The following KCNB2 variants were observed in gnomAD, a reference collection of about 807,000 sequenced individuals.
KCNB2 encodes delayed rectifier potassium channel protein.
A neutral mutation model predicts 61.5 loss-of-function variants in KCNB2; 15 were observed. The observed-to-expected ratio is 0.24, with a 90% CI of 0.16 to 0.38. The LOEUF (loss-of-function observed/expected upper bound fraction) is 0.38, where lower values mean the gene tolerates loss of function less well. KCNB2 is among the 10% of genes least tolerant of loss of function. The pLI is 1.00. For synonymous variants in KCNB2, 457 were observed against 446.0 expected (o/e 1.02, Z -0.31); for missense variants, 828 against 1,125.2 (o/e 0.74, Z 3.78).
intron 2 of KCNB2, among the ~76,000 whole-genome samples, chr8:72,919,788 G>A (rs1482022): frequency 0.64 from 97,510 of 152,110 alleles, 32,501 homozygotes; most frequent in African/African-American, 0.72. Flanking sequence ...GTCATAATAT[G>A]CTCGGTGTAT....
intron 2 of KCNB2, among the ~76,000 whole-genome samples, chr8:72,909,168 G>C (rs1326952112): frequency 1.3e-5 from 2 of 152,152 alleles, no homozygotes; most frequent in African/African-American, 2.4e-5. Context: ...AACTCCATGT[G>C]GTAAGTGTTC....
chr8:72,686,565 G>T (rs946641634), intron 2 of KCNB2, among the ~76,000 whole-genome samples: 7 of 152,142 alleles, frequency 4.6e-5, no homozygotes, highest in Non-Finnish European at 1.0e-4. Context: ...CAAAGCTACA[G>T]GGCAGTAAGT....
At chr8:72,775,195 C>G (rs1180791254) in intron 2 of KCNB2, among the ~76,000 whole-genome samples, 1 of 152,166 alleles carries the variant, frequency 6.6e-6, no homozygotes, top group East Asian at 1.9e-4. Flanking sequence ...TGCAGTCCTT[C>G]CCTGGAACAG....
At chr8:72,925,254 C>T (rs1458642947) in intron 2 of KCNB2, among the ~76,000 whole-genome samples, 1 of 152,148 alleles carries the variant, frequency 6.6e-6, no homozygotes, top group Non-Finnish European at 1.5e-5. Context: ...GGAACAAAGC[C>T]AGCTTTTAAT....
At chr8:72,602,952 TAAA>T (rs200579710) in intron 2 of KCNB2, among the ~76,000 whole-genome samples, 1 of 137,706 alleles carries the variant, frequency 7.3e-6, no homozygotes. Flanking sequence ...GGTTAAGCAC[TAAA>T]AAAAAAAAAA....
chr8:72,885,426 G>A (rs1805787857), intron 2 of KCNB2, among the ~76,000 whole-genome samples: 2 of 152,038 alleles, frequency 1.3e-5, no homozygotes, highest in African/African-American at 4.8e-5. Context: ...AAGCATCTGA[G>A]TTTTATGTAT....
At chr8:72,584,006 A>G (rs1806957292) in intron 2 of KCNB2, among the ~76,000 whole-genome samples, 1 of 151,148 alleles carries the variant, frequency 6.6e-6, no homozygotes, top group Non-Finnish European at 1.5e-5. Context: ...ACCTCTTTTT[A>G]AAGTTAAACC....
At position 72,936,880 on chromosome 8, in the gene KCNB2, G is replaced by T; in HGVS notation, c.1525G>T (p.Glu509Ter). The T allele has an allele frequency of 6.2e-7, 1 of 1,614,090 alleles. No homozygotes were observed. The highest frequency in any genetic ancestry group is 8.5e-7 in the Non-Finnish European group (1 of 1,180,010). Residue 509 changes from glutamate (E) to a stop codon, truncating the protein, a stop_gained, in exon 3 of 3, where the codon GAG (glutamate) becomes TAG (stop). Transcript: ENST00000523207. LOFTEE classifies it high-confidence loss of function. This position sits in a 1 kb window ranked among gnomAD's most constrained non-coding sequence, Gnocchi z 5.6. ...LSETSSNKSF[E>*]NKYQEVSQKD... ...GGAAACAAGCTCCAACAAGTCTTTC[G>T]AGAATAAGTACCAGGAGGTTAGCCA... is the stretch of plus-strand genomic sequence containing the variant.
At chr8:72,638,958 T>C (rs182420735) in intron 2 of KCNB2, among the ~76,000 whole-genome samples, 1 of 152,286 alleles carries the variant, frequency 6.6e-6, no homozygotes, top group Admixed American at 6.5e-5. Context: ...ACTCAACTTA[T>C]GCAGATCACT....
chr8:72,619,236 A>G (rs1207494888), intron 2 of KCNB2: 11 of 599,280 alleles, frequency 1.8e-5, no homozygotes, highest in Middle Eastern at 5.2e-4. Context: ...AGGTATCTTT[A>G]GTTTCAAGGG....
intron 2 of KCNB2, among the ~76,000 whole-genome samples, chr8:72,607,001 AT>A (rs1422399282): frequency 6.6e-6 from 1 of 152,144 alleles, no homozygotes; most frequent in Non-Finnish European, 1.5e-5. Flanking sequence ...AAGAGTGCAG[AT>A]TTGGCTAGAG....
chr8:72,861,172 G>GTGTCT (rs56329853), intron 2 of KCNB2, among the ~76,000 whole-genome samples: 134,965 of 151,790 alleles, frequency 0.89, 60,650 homozygotes, highest in Middle Eastern at 0.98. Flanking sequence ...TTCAGCTTAA[G>GTGTCT]TGTCTGAACA....
At chr8:72,833,736 A>C (rs986123472) in intron 2 of KCNB2, among the ~76,000 whole-genome samples, 5 of 152,190 alleles carry the variant, frequency 3.3e-5, no homozygotes, top group African/African-American at 4.8e-5. Flanking sequence ...CAGAGGGAGA[A>C]TGCAGTTCCA....
intron 2 of KCNB2, among the ~76,000 whole-genome samples, chr8:72,863,506 A>G (rs1009686433): frequency 1.3e-5 from 2 of 152,210 alleles, no homozygotes; most frequent in African/African-American, 4.8e-5. Flanking sequence ...ACAGGTATAT[A>G]TTTGTATCAG....
intron 2 of KCNB2, among the ~76,000 whole-genome samples, chr8:72,679,542 A>T (rs1235389307): frequency 6.6e-6 from 1 of 152,248 alleles, no homozygotes; most frequent in Non-Finnish European, 1.5e-5. Flanking sequence ...AGAAGTTAAC[A>T]GCAAATTCAA....
intron 2 of KCNB2, among the ~76,000 whole-genome samples, chr8:72,870,604 A>C (rs1585944743): frequency 6.6e-6 from 1 of 152,292 alleles, no homozygotes; most frequent in South Asian, 2.1e-4. Context: ...TTTTCCACCT[A>C]TGTATGAGCT....
chr8:72,727,246 C>G (rs896483035), intron 2 of KCNB2, among the ~76,000 whole-genome samples: 2 of 152,040 alleles, frequency 1.3e-5, no homozygotes, highest in Admixed American at 1.3e-4. Flanking sequence ...ATCCCCAGTA[C>G]ACTCACTCAT....
At chr8:72,812,852 T>C (rs1052688764) in intron 2 of KCNB2, among the ~76,000 whole-genome samples, 5 of 152,208 alleles carry the variant, frequency 3.3e-5, no homozygotes, top group Non-Finnish European at 7.3e-5. Flanking sequence ...GTTTTCTTTT[T>C]TGTGCAGTGC....
intron 2 of KCNB2, among the ~76,000 whole-genome samples, chr8:72,600,760 T>C (rs545466257): frequency 6.6e-6 from 1 of 152,168 alleles, no homozygotes; most frequent in African/African-American, 2.4e-5. Context: ...TATCACACGT[T>C]CTCACTTGTA....
Sources: allele counts gnomAD v4.1 joint callset (sites outside exome capture counted in the v4.1 genomes callset), GRCh38; gene constraint gnomAD v4.1.1; non-coding constraint Gnocchi (gnomAD v3.1); transcripts MANE v1.5; gene names NCBI Gene and HGNC (gene_info 2026-07-23, HGNC 2026-07-21).